The following SLC47A1 variants were observed in gnomAD, a reference collection of about 807,000 sequenced individuals.
SLC47A1 encodes multidrug and toxin extrusion protein 1.
SLC47A1 carries 58 observed loss-of-function variants against 65.8 expected under a neutral mutation model. That is an observed-to-expected ratio of 0.88 (90% CI 0.71 to 1.10). The LOEUF (loss-of-function observed/expected upper bound fraction) is 1.10. SLC47A1 is among the 50% of genes least tolerant of loss of function. SLC47A1 has a pLI of 0.00. For missense variants in SLC47A1, 706 were observed against 719.2 expected, an observed-to-expected ratio of 0.98 and a Z score of 0.21; for synonymous variants, 285 against 295.0, an observed-to-expected ratio of 0.97 and a Z score of 0.35.
Position 19,548,096 on chromosome 17 carries a change from A to G in SLC47A1, c.418A>G (p.Ile140Val). 6.2e-7 allele frequency: 1 copy of G among 1,613,970 alleles called. No homozygotes were observed. ...GGCGCTCTTTCTCAACACCCAGCACATCCTGCTGCTCTTCAGGCAGGACCC... is the reference window on the plus strand; with the variant it reads ...GGCGCTCTTTCTCAACACCCAGCACGTCCTGCTGCTCTTCAGGCAGGACCC... ...CWALFLNTQHILLLFRQDPDV... is the reference protein window; with the variant it reads ...CWALFLNTQHVLLLFRQDPDV... Residue 140 changes from isoleucine to valine, a missense_variant, in exon 4 of 17, where the codon ATC (isoleucine) becomes GTC (valine). Physicochemically the swap from Ile to Val is conservative, Grantham distance 29. Transcript: ENST00000270570.
intron 12 of SLC47A1, among the ~76,000 whole-genome samples, chr17:19,563,286 C>G (rs556657113): frequency 1.3e-5 from 2 of 151,926 alleles, no homozygotes; most frequent in African/African-American, 4.8e-5. Context: ...GCGCCCGCCA[C>G]CACGCTCGGC....
chr17:19,563,200 T>C (rs1365329761), intron 12 of SLC47A1, among the ~76,000 whole-genome samples: 2 of 141,620 alleles, frequency 1.4e-5, no homozygotes, highest in Non-Finnish European at 3.0e-5. Flanking sequence ...TGGCATGATC[T>C]CAGCTCACTG....
At chr17:19,570,233 C>T (rs745527918) in intron 14 of SLC47A1, among the ~76,000 whole-genome samples, 2 of 152,216 alleles carry the variant, frequency 1.3e-5, no homozygotes, top group African/African-American at 2.4e-5. Flanking sequence ...GACTAGCCAC[C>T]TTAACCCTTA....
intron 2 of SLC47A1, among the ~76,000 whole-genome samples, chr17:19,542,883 C>T (rs1423194102): frequency 2.6e-5 from 4 of 151,318 alleles, no homozygotes; most frequent in Admixed American, 6.6e-5. Flanking sequence ...CCTCTGCCTC[C>T]CAGGTTCAAG....
intron 16 of SLC47A1, 129 bp downstream of exon 16, chr17:19,572,990 C>T (rs2084412185): frequency 9.4e-6 from 7 of 745,332 alleles, no homozygotes; most frequent in Non-Finnish European, 1.6e-5. Context: ...TTCAGAAACA[C>T]ATGATAAAGC....
chr17:19,550,473 G>A (rs1389996651), intron 5 of SLC47A1, among the ~76,000 whole-genome samples: 1 of 152,030 alleles, frequency 6.6e-6, no homozygotes, highest in African/African-American at 2.4e-5. Flanking sequence ...ACACCACCAC[G>A]CCCAGCTAAT....
intron 16 of SLC47A1, 83 bp downstream of exon 16, chr17:19,572,944 C>A (rs2084411840): frequency 1.8e-6 from 2 of 1,128,280 alleles, no homozygotes; most frequent in Non-Finnish European, 2.7e-6. Context: ...GCTAGATTTG[C>A]TGCTATGAGC....
At chr17:19,543,472 G>A (rs1916206274) in intron 2 of SLC47A1, among the ~76,000 whole-genome samples, 3 of 152,096 alleles carry the variant, frequency 2.0e-5, no homozygotes, top group Non-Finnish European at 4.4e-5. Flanking sequence ...GTTGGGGGAG[G>A]GGAACAGTAA....
intron 10 of SLC47A1, among the ~76,000 whole-genome samples, chr17:19,559,799 C>T (rs1054544103): frequency 1.3e-5 from 2 of 152,060 alleles, no homozygotes; most frequent in African/African-American, 4.8e-5. Flanking sequence ...TCCCAAAGTG[C>T]TGGGATTACA....
At position 19,578,460 on chromosome 17, in the gene SLC47A1, T is replaced by A; in HGVS notation, c.*907T>A. 5.5e-6 allele frequency: 1 copy of A among 182,334 alleles called. No homozygotes were observed. The highest frequency in any genetic ancestry group is 1.2e-5 in the Non-Finnish European group (1 of 86,662). 11.3% of individuals were successfully genotyped at this position (182,334 alleles called of 1,614,324 possible). A position where few individuals can be genotyped will look rare whatever the true frequency, so the allele number is the denominator to read the frequency against. ...ATCCTTCCACCTTGCCCTCCCAAAGTGTTGGGATTATAGGCATGAGCCACC... is the reference window on the plus strand; with the variant it reads ...ATCCTTCCACCTTGCCCTCCCAAAGAGTTGGGATTATAGGCATGAGCCACC... On this transcript the variant is annotated 3_prime_UTR_variant, in exon 17 of 17. Transcript: ENST00000270570.
In SLC47A1 at chr17:19,556,022, C is replaced by T; in HGVS notation, c.881C>T (p.Ala294Val). 1 of 1,614,202 alleles carries T rather than the reference C, an allele frequency of 6.2e-7. No homozygotes were observed. The highest frequency in any genetic ancestry group is 1.7e-5 in the Admixed American group (1 of 60,032). The change falls in exon 10 of 17, where the codon GCT (alanine) becomes GTT (valine). Residue 294 changes from alanine (A) to valine (V), a missense_variant. Ala to Val is a moderately conservative substitution (Grantham distance 64, BLOSUM62 0). Coordinates refer to ENST00000270570, the MANE Select transcript of SLC47A1 (RefSeq NM_018242.3). ...SGILGMVELG[A>V]QSIVYELAII... Reference sequence around the variant, plus strand: ...ATCCTCGGCATGGTGGAGCTGGGCGCTCAGTCCATCGTGTATGAACTGGCC... The same window carrying T: ...ATCCTCGGCATGGTGGAGCTGGGCGTTCAGTCCATCGTGTATGAACTGGCC...
chr17:19,533,989 C>T lies in SLC47A1; in HGVS notation c.50C>T (p.Thr17Ile). 1.9e-6 allele frequency: 3 copies of T among 1,543,268 alleles called. No individual in the cohort carries two copies. The highest frequency in any genetic ancestry group is 2.8e-5 in the African/African-American group (2 of 72,018). Residue 17 changes from threonine (T) to isoleucine (I), a missense_variant, in exon 1 of 17, where the codon ACC (threonine) becomes ATC (isoleucine). By Grantham distance (89) the Thr-to-Ile change is moderately conservative. Transcript: ENST00000270570. The part of the protein sequence containing the change: ...PAPVRGGPEA[T>I]LEVRGSRCLR... ...CCAGTGCGCGGAGGCCCGGAGGCCA[C>T]CCTTGAGGTCCGTGGGTCGCGCTGC... is the stretch of plus-strand genomic sequence containing the variant.
intron 14 of SLC47A1, among the ~76,000 whole-genome samples, chr17:19,569,153 C>T (rs2084380981): frequency 6.6e-6 from 1 of 151,870 alleles, no homozygotes; most frequent in Admixed American, 6.6e-5. Flanking sequence ...GGGTGGTTCA[C>T]TTGAGGTTAA....
chr17:19,561,504 G>A (rs1025717176), intron 12 of SLC47A1, among the ~76,000 whole-genome samples: 15 of 151,742 alleles, frequency 9.9e-5, no homozygotes, highest in African/African-American at 3.6e-4. Context: ...TTAGCTGGGC[G>A]TGGTGGCGGG....
rs192053107 is a variant in SLC47A1 at position 19,539,369 on chromosome 17, C to G, written c.136-3024C>G. Among the ~76,000 whole-genome samples, 135 of 152,232 alleles carry G rather than the reference C, an allele frequency of 8.9e-4. 1 individual carries two copies. Among genetic ancestry groups the G allele is most frequent in the African/African-American group, 2.9e-3 (121 of 41,550 alleles). On this transcript the variant is annotated intron_variant, in intron 1 of 16. Transcript: ENST00000270570. ...GAAATATGCTCTGTGACAGCACAGT[C>G]CCAGAGGGTCTGGAGCACTCTCAAA...
Position 19,534,044 on chromosome 17 carries a change from G to A in SLC47A1, c.105G>A (p.Leu35=). The change falls in exon 1 of 17, where the codon CTG becomes CTA. Residue 35 remains leucine (L), a synonymous_variant. Coordinates refer to ENST00000270570, the MANE Select transcript of SLC47A1 (RefSeq NM_018242.3). ...GGCTGTCCGCCTTCCGAGAAGAGCT[G>A]CGGGCGCTCTTGGTCCTGGCTGGCC... ...CLRLSAFREE[L]RALLVLAGPA... is the part of the protein sequence containing the mutation. 6 of 1,547,890 alleles carry A rather than the reference G, an allele frequency of 3.9e-6. No homozygotes were observed. Among genetic ancestry groups the A allele is most frequent in the Non-Finnish European group, 4.4e-6 (5 of 1,147,750 alleles).
Position 19,553,400 on chromosome 17 carries a change from T to C in SLC47A1, c.544-1812T>C, listed in dbSNP as rs16960201. Reference sequence around the variant, plus strand: ...GGAATTCCGTGGCCTCAGCCATTTTTGCTCCCAGTAACCTGTCCTTTTTGT... The same window carrying C: ...GGAATTCCGTGGCCTCAGCCATTTTCGCTCCCAGTAACCTGTCCTTTTTGT... On this transcript the variant is annotated intron_variant, in intron 6 of 16. Coordinates refer to ENST00000270570, the MANE Select transcript of SLC47A1 (RefSeq NM_018242.3). Among the ~76,000 whole-genome samples, 1,331 of 152,286 alleles carry C rather than the reference T, an allele frequency of 8.7e-3. 55 individuals are homozygous for C. Among genetic ancestry groups the C allele is most frequent in the East Asian group, 0.066 (340 of 5,166 alleles).
intron 16 of SLC47A1, among the ~76,000 whole-genome samples, chr17:19,574,778 G>A (rs1489243797): frequency 6.6e-6 from 1 of 151,968 alleles, no homozygotes; most frequent in Non-Finnish European, 1.5e-5. Context: ...GGTGTGTGCG[G>A]TGGTGTACCA....
At chr17:19,540,538 T>C (rs1916114888) in intron 1 of SLC47A1, among the ~76,000 whole-genome samples, 1 of 152,182 alleles carries the variant, frequency 6.6e-6, no homozygotes, top group Non-Finnish European at 1.5e-5. Context: ...AGGGGACATC[T>C]GTAAGGGTGG....
Sources: gnomAD v4.1 joint callset for allele counts (sites outside exome capture counted in the v4.1 genomes callset) on GRCh38, gnomAD v4.1.1 for gene constraint, MANE v1.5 for transcripts, NCBI Gene and HGNC (gene_info 2026-07-23, HGNC 2026-07-21) for gene names.